Variants in SLIT3 observed in about 807,000 individuals in gnomAD.
SLIT3 encodes slit homolog 3 protein.
Under a neutral mutation model 184.0 loss-of-function variants are expected in SLIT3, and 68 were observed. The ratio of observed to expected loss-of-function variants is 0.37; its 90% CI spans 0.30 to 0.45. The LOEUF (loss-of-function observed/expected upper bound fraction) is 0.45, where lower values mean the gene tolerates loss of function less well. SLIT3 is among the 20% of genes least tolerant of loss of function. The pLI, the probability that SLIT3 is intolerant of heterozygous loss-of-function variation, is 1.00. For synonymous variants in SLIT3, 831 were observed against 828.6 expected (o/e 1.00, Z -0.05); for missense variants, 1,707 against 2,026.0 (o/e 0.84, Z 3.02).
chr5:168,887,998 G>A (rs914696674), intron 4 of SLIT3, among the ~76,000 whole-genome samples: 3 of 152,158 alleles, frequency 2.0e-5, no homozygotes, highest in African/African-American at 7.2e-5. Flanking sequence ...GGGTAGCCAT[G>A]TTTGATTCTA....
At position 169,229,910 on chromosome 5, in the gene SLIT3, G is replaced by C. The variant is rs80231590; in HGVS notation, c.341+14795C>G. ...TAAGAGAAGGTGAGAAATTCGAGGT[G>C]CCGAAGATCCTACAGCCATTCTTCT... On this transcript the variant is annotated intron_variant, in intron 3 of 35. Transcript: ENST00000519560. Among the ~76,000 whole-genome samples, 58 of 152,258 alleles carry C rather than the reference G, an allele frequency of 3.8e-4. 1 individual carries two copies. The East Asian group carries it at 0.011, about 28-fold the overall frequency.
At chr5:169,181,433 T>G (rs73317603) in intron 4 of SLIT3, among the ~76,000 whole-genome samples, 1,776 of 152,098 alleles carry the variant, frequency 0.012, 42 homozygotes, top group African/African-American at 0.04. Context: ...TACCACTGGT[T>G]TTCATCTTTA....
intron 4 of SLIT3, among the ~76,000 whole-genome samples, chr5:168,922,610 G>A (rs956891291): frequency 4.6e-5 from 7 of 152,184 alleles, no homozygotes; most frequent in African/African-American, 1.7e-4. Flanking sequence ...ACAGATCAGA[G>A]CTGGTCTTCA....
intron 1 of SLIT3, among the ~76,000 whole-genome samples, chr5:169,289,222 G>T (rs1767258891): frequency 6.6e-6 from 1 of 152,150 alleles, no homozygotes; most frequent in Non-Finnish European, 1.5e-5. Flanking sequence ...CATCCAAATT[G>T]TACTCCCCCT....
chr5:168,977,241 CA>C (rs1754796776), intron 4 of SLIT3, among the ~76,000 whole-genome samples: 1 of 152,216 alleles, frequency 6.6e-6, no homozygotes, highest in African/African-American at 2.4e-5. Context: ...GGGAAGGAGG[CA>C]AGAGAAGAGA....
At chr5:168,818,427 G>A (rs1757412686) in intron 7 of SLIT3, among the ~76,000 whole-genome samples, 1 of 152,172 alleles carries the variant, frequency 6.6e-6, no homozygotes, top group Admixed American at 6.5e-5. Context: ...GGGCTTCTAA[G>A]GCAAACTACG....
chr5:169,190,007 A>G (rs1194108978), intron 4 of SLIT3, among the ~76,000 whole-genome samples: 1 of 152,200 alleles, frequency 6.6e-6, no homozygotes, highest in African/African-American at 2.4e-5. Context: ...TGTTGTTTTT[A>G]CATTTCACAT....
intron 16 of SLIT3, among the ~76,000 whole-genome samples, chr5:168,755,392 T>TCTTTCTTTCTTTC (rs1754865097): frequency 1.2e-4 from 1 of 8,504 alleles, no homozygotes; most frequent in African/African-American, 1.6e-3. Context: ...TGCCGCCATT[T>TCTTTCTTTCTTTC]CTTTCTTTCT....
chr5:168,935,208 C>T (rs1023763945), intron 4 of SLIT3, among the ~76,000 whole-genome samples: 1 of 151,910 alleles, frequency 6.6e-6, no homozygotes, highest in Non-Finnish European at 1.5e-5. Flanking sequence ...GTATTGCCCT[C>T]ATTTTTCAGA....
intron 1 of SLIT3, among the ~76,000 whole-genome samples, chr5:169,269,300 C>T (rs893411877): frequency 9.2e-5 from 14 of 152,242 alleles, no homozygotes; most frequent in Admixed American, 2.6e-4. Flanking sequence ...GTTGACTCCA[C>T]GCAACCGGCC....
At chr5:168,842,804 T>C (rs944714988) in intron 6 of SLIT3, among the ~76,000 whole-genome samples, 1 of 152,176 alleles carries the variant, frequency 6.6e-6, no homozygotes, top group Non-Finnish European at 1.5e-5. Context: ...GTCACAGCTG[T>C]TTCGTGGCAG....
rs75878330 is a variant in SLIT3 at position 169,081,860 on chromosome 5, C to T, written c.413+111619G>A. On this transcript the variant is annotated intron_variant, in intron 4 of 35. Transcript: ENST00000519560. ...CTTACTCTTCACAGCAACACTGAGA[C>T]GGTATTAGCAGCCCAGTTCTTCATT... Among the ~76,000 whole-genome samples the T allele has an allele frequency of 1.5e-3, 236 of 152,328 alleles. 2 individuals are homozygous for T. The East Asian group carries it at 0.033, about 22-fold the overall frequency.
At chr5:168,911,439 C>T (rs997713157) in intron 4 of SLIT3, among the ~76,000 whole-genome samples, 2 of 152,182 alleles carry the variant, frequency 1.3e-5, no homozygotes, top group Admixed American at 6.5e-5. Flanking sequence ...AGTGAATAAG[C>T]TTTTAATGAA....
At chr5:168,717,422 T>C (rs375816476) in intron 23 of SLIT3, among the ~76,000 whole-genome samples, 1 of 151,776 alleles carries the variant, frequency 6.6e-6, no homozygotes, top group Non-Finnish European at 1.5e-5. Flanking sequence ...CTGGGTTAGG[T>C]GCCTCTCACT....
chr5:169,167,738 T>C (rs959492615), intron 4 of SLIT3, among the ~76,000 whole-genome samples: 1 of 152,096 alleles, frequency 6.6e-6, no homozygotes, highest in Non-Finnish European at 1.5e-5. Flanking sequence ...TGGCTTCTGG[T>C]ACCTGAACTT....
intron 4 of SLIT3, among the ~76,000 whole-genome samples, chr5:169,073,251 TA>T: frequency 6.6e-6 from 1 of 152,238 alleles, no homozygotes; most frequent in Middle Eastern, 3.4e-3. Flanking sequence ...ATTAGCACAT[TA>T]AAAGAGTAAG....
At position 168,928,526 on chromosome 5, in the gene SLIT3, G is replaced by A. The variant is rs368895680; in HGVS notation, c.414-45190C>T. Among the ~76,000 whole-genome samples the A allele has an allele frequency of 6.6e-5, 10 of 152,270 alleles. 1 individual carries two copies. Among genetic ancestry groups the A allele is most frequent in the African/African-American group, 2.2e-4 (9 of 41,546 alleles). ...GGCAACAAAGGCTGCCGTGTATGTC[G>A]TCTCTGCCTACCTTCCCTCCTTCTG... On this transcript the variant is annotated intron_variant, in intron 4 of 35. Transcript: ENST00000519560.
At chr5:169,265,997 AAAATTCTTCCT>A (rs1463763905) in intron 1 of SLIT3, among the ~76,000 whole-genome samples, 1 of 152,202 alleles carries the variant, frequency 6.6e-6, no homozygotes, top group African/African-American at 2.4e-5. Context: ...TCAGAAATAA[AAAATTCTTCCT>A]AAATTCTTCC....
At chr5:169,193,379 T>A in intron 4 of SLIT3, 100 bp downstream of exon 4, 1 of 963,526 alleles carries the variant, frequency 1.0e-6, no homozygotes, top group Non-Finnish European at 1.7e-6. Flanking sequence ...AGGGCCTAAC[T>A]GCCAAGCTCC....
Sources: allele counts gnomAD v4.1 joint callset (sites outside exome capture counted in the v4.1 genomes callset), GRCh38; gene constraint gnomAD v4.1.1; transcripts MANE v1.5; gene names NCBI Gene and HGNC (gene_info 2026-07-23, HGNC 2026-07-21).